CRADD: variants seen among roughly 807,000 people sequenced by gnomAD.
CRADD encodes CARD and death domain containing adaptor protein.
A neutral mutation model predicts 15.5 loss-of-function variants in CRADD; 9 were observed. The ratio of observed to expected loss-of-function variants is 0.58; its 90% confidence interval spans 0.35 to 1.01. The LOEUF is 1.01. Ranked by LOEUF, CRADD falls within the 50% of genes least tolerant of loss-of-function variation. CRADD has a pLI of 0.02. For synonymous variants in CRADD, 118 were observed against 107.6 expected (o/e 1.10, Z -0.60); for missense variants, 227 against 250.3 (o/e 0.91, Z 0.63).
chr12:93,738,843 GGGAGA>G (rs1291963426), intron 2 of CRADD, among the ~76,000 whole-genome samples: 1 of 151,688 alleles, frequency 6.6e-6, no homozygotes, highest in East Asian at 1.9e-4. Context: ...AGGAAAGAGA[GGGAGA>G]GAGAGAAACG....
chr12:93,755,604 G>A (rs1417258422), intron 2 of CRADD, among the ~76,000 whole-genome samples: 7 of 152,138 alleles, frequency 4.6e-5, no homozygotes, highest in African/African-American at 1.7e-4. Flanking sequence ...GTGTTTGTCT[G>A]CCCCACAGGC....
chr12:93,677,999 A>C (rs957116748), intron 1 of CRADD: 3 of 152,318 alleles, frequency 2.0e-5, no homozygotes, highest in African/African-American at 7.2e-5. Flanking sequence ...TGCACCTTCA[A>C]ATCGTGCCTG....
intron 2 of CRADD, among the ~76,000 whole-genome samples, chr12:93,857,323 C>T (rs767433759): frequency 6.6e-6 from 1 of 152,134 alleles, no homozygotes; most frequent in Non-Finnish European, 1.5e-5. Flanking sequence ...GACGTATAAC[C>T]TCCTACTTGT....
chr12:93,715,101 C>G (rs1205653699), intron 2 of CRADD, among the ~76,000 whole-genome samples: 2 of 152,026 alleles, frequency 1.3e-5, no homozygotes, highest in Non-Finnish European at 2.9e-5. Context: ...GTTTTAGCTG[C>G]CATTGATGAT....
At chr12:93,778,276 C>T (rs1251844176) in intron 2 of CRADD, among the ~76,000 whole-genome samples, 1 of 152,114 alleles carries the variant, frequency 6.6e-6, no homozygotes, top group Non-Finnish European at 1.5e-5. Context: ...AATAACTTTT[C>T]CACTGATTTT....
chr12:93,776,853 A>G (rs907930446), intron 2 of CRADD, among the ~76,000 whole-genome samples: 1 of 152,166 alleles, frequency 6.6e-6, no homozygotes, highest in Non-Finnish European at 1.5e-5. Flanking sequence ...CAGAAAGAAG[A>G]TAGTGGTTGC....
chr12:93,792,351 C>G (rs1454010212), intron 2 of CRADD, among the ~76,000 whole-genome samples: 2 of 152,134 alleles, frequency 1.3e-5, no homozygotes, highest in Admixed American at 6.6e-5. Context: ...TTTTCTATGG[C>G]TGGCCTGTAT....
intron 2 of CRADD, among the ~76,000 whole-genome samples, chr12:93,874,411 T>C (rs1208587920): frequency 6.6e-6 from 1 of 151,974 alleles, no homozygotes; most frequent in Admixed American, 6.6e-5. Context: ...GATTTTTGTA[T>C]TTTTTTATTT....
At chr12:93,864,612 C>A (rs1280490346) in intron 2 of CRADD, among the ~76,000 whole-genome samples, 1 of 152,178 alleles carries the variant, frequency 6.6e-6, no homozygotes, top group Non-Finnish European at 1.5e-5. Flanking sequence ...TTGGCATTTG[C>A]CTCCTTGAAA....
intron 2 of CRADD, among the ~76,000 whole-genome samples, chr12:93,781,099 G>A (rs890320753): frequency 6.6e-6 from 1 of 151,864 alleles, no homozygotes; most frequent in Non-Finnish European, 1.5e-5. Flanking sequence ...ACCATCTAGA[G>A]CAAAGCCATC....
At chr12:93,846,817 C>T (rs1044902968) in intron 2 of CRADD, among the ~76,000 whole-genome samples, 1 of 152,158 alleles carries the variant, frequency 6.6e-6, no homozygotes, top group Admixed American at 6.5e-5. Flanking sequence ...GAAGGTTATG[C>T]CAGCCAGGCA....
chr12:93,718,038 G>T (rs954007241), intron 2 of CRADD, among the ~76,000 whole-genome samples: 6 of 152,030 alleles, frequency 3.9e-5, no homozygotes, highest in Admixed American at 6.6e-5. Flanking sequence ...TCATCTATTT[G>T]TCTGTTCTTC....
intron 2 of CRADD, among the ~76,000 whole-genome samples, chr12:93,834,519 G>A (rs926496715): frequency 5.3e-5 from 8 of 151,858 alleles, no homozygotes; most frequent in Admixed American, 1.3e-4. Flanking sequence ...ACGGAGTTTC[G>A]CTTTTGTTAC....
intron 2 of CRADD, among the ~76,000 whole-genome samples, chr12:93,735,335 A>G (rs1956547249): frequency 6.6e-6 from 1 of 152,206 alleles, no homozygotes; most frequent in Non-Finnish European, 1.5e-5. Flanking sequence ...TAAGATATGG[A>G]AAGTTTGTAA....
chr12:93,734,452 C>G (rs1430346057), intron 2 of CRADD, among the ~76,000 whole-genome samples: 3 of 152,154 alleles, frequency 2.0e-5, no homozygotes, highest in Non-Finnish European at 4.4e-5. Flanking sequence ...ACTCTTTTAT[C>G]TATACCACTT....
intron 2 of CRADD, among the ~76,000 whole-genome samples, chr12:93,805,575 TATAA>T (rs10671111): frequency 1.6e-3 from 244 of 150,182 alleles, no homozygotes; most frequent in African/African-American, 5.5e-3. Flanking sequence ...GTTTTGTGTG[TATAA>T]ATAAATAAAT....
chr12:93,711,055 C>CCCCCCTT, intron 2 of CRADD, among the ~76,000 whole-genome samples: 68 of 43,488 alleles, frequency 1.6e-3, no homozygotes, highest in Non-Finnish European at 1.9e-3. Context: ...CCACCCCCGC[C>CCCCCCTT]TTTTTTTTTT....
chr12:93,857,197 T>G (rs181591992), intron 2 of CRADD, among the ~76,000 whole-genome samples: 1 of 152,342 alleles, frequency 6.6e-6, no homozygotes, highest in African/African-American at 2.4e-5. Flanking sequence ...CATTTTCATA[T>G]TCTATCTCTA....
chr12:93,849,104 A>G (rs766687868), intron 2 of CRADD: 1 of 152,124 alleles, frequency 6.6e-6, no homozygotes, highest in Non-Finnish European at 1.5e-5. Context: ...TAATATTTCA[A>G]GTTCAACCTC....
Sources: gnomAD v4.1 joint callset for allele counts (sites outside exome capture counted in the v4.1 genomes callset) on GRCh38, gnomAD v4.1.1 for gene constraint, MANE v1.5 for transcripts, NCBI Gene and HGNC (gene_info 2026-07-23, HGNC 2026-07-21) for gene names.